The following NCAM2 variants were observed in gnomAD, a reference collection of about 807,000 sequenced individuals.
NCAM2 encodes the protein N-CAM-2.
Under a neutral mutation model 98.1 loss-of-function variants are expected in NCAM2, and 30 were observed. The ratio of observed to expected loss-of-function variants is 0.31; its 90% CI spans 0.23 to 0.41. NCAM2 has a LOEUF of 0.41. Among genes scored for constraint, NCAM2 ranks in the 10% least tolerant of loss-of-function variants. The probability of loss-of-function intolerance (pLI) is 1.00; values close to 1 mark genes in which losing one functional copy is unlikely to be tolerated. For missense variants in NCAM2, 867 were observed against 1,005.8 expected, an observed-to-expected ratio of 0.86 and a Z score of 1.87; for synonymous variants, 368 against 342.4, an observed-to-expected ratio of 1.07 and a Z score of -0.83.
intron 11 of NCAM2, among the ~76,000 whole-genome samples, chr21:21,419,854 A>G (rs1339473911): frequency 6.6e-6 from 1 of 152,088 alleles, no homozygotes; most frequent in Non-Finnish European, 1.5e-5. Flanking sequence ...AGCATGATTT[A>G]TAATCCTTTG....
chr21:21,531,361 A>G (rs556678010), intron 16 of NCAM2, among the ~76,000 whole-genome samples: 3 of 152,316 alleles, frequency 2.0e-5, no homozygotes, highest in Admixed American at 2.0e-4. Context: ...TTCTCCATGC[A>G]TGCCACGACA....
intron 15 of NCAM2, among the ~76,000 whole-genome samples, chr21:21,483,518 C>T (rs552274526): frequency 6.6e-6 from 1 of 151,990 alleles, no homozygotes; most frequent in African/African-American, 2.4e-5. Context: ...CTAATAAATC[C>T]TTCATCACTA....
intron 1 of NCAM2, among the ~76,000 whole-genome samples, chr21:21,047,703 T>A (rs1484156198): frequency 2.6e-5 from 4 of 152,212 alleles, no homozygotes. Flanking sequence ...ATTGTTTTTT[T>A]CTTTCATAAC....
intron 5 of NCAM2, among the ~76,000 whole-genome samples, chr21:21,295,458 T>C (rs1330171928): frequency 1.3e-5 from 2 of 151,914 alleles, no homozygotes; most frequent in Non-Finnish European, 2.9e-5. Context: ...CTTTGATATG[T>C]GAAGTATGGC....
At chr21:21,465,458 A>G (rs1291560957) in intron 12 of NCAM2, among the ~76,000 whole-genome samples, 1 of 151,980 alleles carries the variant, frequency 6.6e-6, no homozygotes, top group Non-Finnish European at 1.5e-5. Context: ...ATGATCATAA[A>G]TATTGAGGAA....
chr21:21,253,799 T>C (rs1414240361), intron 1 of NCAM2, among the ~76,000 whole-genome samples: 2 of 152,182 alleles, frequency 1.3e-5, no homozygotes, highest in African/African-American at 4.8e-5. Context: ...AACTTGTAGA[T>C]ATCAGGGAAA....
At chr21:21,393,378 A>G (rs2076423893) in intron 9 of NCAM2, among the ~76,000 whole-genome samples, 1 of 152,008 alleles carries the variant, frequency 6.6e-6, no homozygotes, top group Non-Finnish European at 1.5e-5. Context: ...TTTTTTCCAG[A>G]TAGTATAAAA....
chr21:21,402,967 C>T (rs969675596), intron 9 of NCAM2, among the ~76,000 whole-genome samples: 1 of 152,072 alleles, frequency 6.6e-6, no homozygotes, highest in Non-Finnish European at 1.5e-5. Flanking sequence ...CAATAATTAC[C>T]TTCTGGGTTT....
intron 4 of NCAM2, among the ~76,000 whole-genome samples, chr21:21,287,207 A>G (rs1407902671): frequency 6.6e-6 from 1 of 151,992 alleles, no homozygotes; most frequent in Non-Finnish European, 1.5e-5. Context: ...AAAATAATTG[A>G]ATCTTTTAAA....
intron 1 of NCAM2, among the ~76,000 whole-genome samples, chr21:21,015,278 G>A (rs1825629505): frequency 6.6e-6 from 1 of 152,172 alleles, no homozygotes; most frequent in African/African-American, 2.4e-5. Flanking sequence ...AAACAATATT[G>A]CATGCTACAG....
At chr21:21,414,643 G>C (rs1349349840) in intron 10 of NCAM2, among the ~76,000 whole-genome samples, 1 of 151,412 alleles carries the variant, frequency 6.6e-6, no homozygotes, top group East Asian at 1.9e-4. Context: ...CTATTTTTTT[G>C]TATTTTTAGT....
intron 3 of NCAM2, 134 bp from the exon 4 acceptor site, chr21:21,286,135 G>T (rs778024824): frequency 3.1e-6 from 3 of 974,614 alleles, no homozygotes; most frequent in Non-Finnish European, 3.0e-6. Flanking sequence ...TCTAGTTTAA[G>T]ATTTTAAAGT....
intron 1 of NCAM2, among the ~76,000 whole-genome samples, chr21:21,197,926 G>A (rs1308197082): frequency 6.6e-6 from 1 of 152,122 alleles, no homozygotes; most frequent in Non-Finnish European, 1.5e-5. Flanking sequence ...TACTGAGTTT[G>A]AATGTTGCCT....
At position 21,426,640 on chromosome 21, in the gene NCAM2, C is replaced by T. The variant is rs232392; in HGVS notation, c.1481-5468C>T. Among the ~76,000 whole-genome samples the T allele has an allele frequency of 7.4e-3, 1,121 of 152,248 alleles. 15 individuals carry two copies. Among genetic ancestry groups the T allele is most frequent in the African/African-American group, 0.025 (1,042 of 41,554 alleles). On this transcript the variant is annotated intron_variant, in intron 11 of 17. Coordinates refer to ENST00000400546, the MANE Select transcript of NCAM2 (RefSeq NM_004540.5). ...CCTCAGCTAATAATCACAGCCACAC[C>T]ACTCCTGAAACTGGATGAATAGGCT...
At chr21:21,476,034 A>G (rs1602452532) in intron 14 of NCAM2, among the ~76,000 whole-genome samples, 1 of 152,168 alleles carries the variant, frequency 6.6e-6, no homozygotes. Flanking sequence ...AACTTTCACA[A>G]TTATATTTTA....
At chr21:21,046,601 C>T (rs1406733710) in intron 1 of NCAM2, among the ~76,000 whole-genome samples, 1 of 152,108 alleles carries the variant, frequency 6.6e-6, no homozygotes, top group African/African-American at 2.4e-5. Flanking sequence ...TTTTTTCTTT[C>T]TATTTTTGCT....
At chr21:21,220,468 T>C (rs1417971383) in intron 1 of NCAM2, among the ~76,000 whole-genome samples, 1 of 152,184 alleles carries the variant, frequency 6.6e-6, no homozygotes, top group Non-Finnish European at 1.5e-5. Context: ...AGGTTTGTAG[T>C]ACACTATAGT....
intron 5 of NCAM2, among the ~76,000 whole-genome samples, chr21:21,313,440 A>G (rs1451563560): frequency 6.6e-6 from 1 of 151,924 alleles, no homozygotes; most frequent in African/African-American, 2.4e-5. Context: ...TTTTATCATT[A>G]TGTAATATTC....
chr21:21,169,314 A>G (rs1601553513), intron 1 of NCAM2, among the ~76,000 whole-genome samples: 1 of 152,174 alleles, frequency 6.6e-6, no homozygotes. Context: ...AGCCCTACAT[A>G]TAAAATGTAA....
Sources: allele counts gnomAD v4.1 joint callset (sites outside exome capture counted in the v4.1 genomes callset), GRCh38; gene constraint gnomAD v4.1.1; transcripts MANE v1.5; gene names NCBI Gene and HGNC (gene_info 2026-07-23, HGNC 2026-07-21).